The following GPR137C variants were observed in gnomAD, a reference collection of about 807,000 sequenced individuals.
GPR137C encodes the protein G protein-coupled receptor 137C, also known as integral membrane protein GPR137C.
A neutral mutation model predicts 43.4 loss-of-function variants in GPR137C; 27 were observed. The observed-to-expected ratio is 0.62, with a 90% CI of 0.46 to 0.86. GPR137C has a LOEUF of 0.86. Among genes scored for constraint, GPR137C ranks in the 40% least tolerant of loss-of-function variants. The pLI is 0.00. For missense variants in GPR137C, 522 were observed against 534.6 expected (o/e 0.98, Z 0.23); for synonymous variants, 285 against 226.9 (o/e 1.26, Z -2.30).
rs2039360370 is a variant in GPR137C at position 52,636,965 on chromosome 14, T to C, written c.*1850T>C. 6.6e-6 allele frequency: 1 copy of C among 152,164 alleles called. No individual in the cohort carries two copies. Among genetic ancestry groups the C allele is most frequent in the African/African-American group, 2.4e-5 (1 of 41,458 alleles). The allele number at this position is 152,164 out of a possible 1,614,324, so 9.4% of individuals were successfully genotyped here. ...TCATCTAGAGCTGTCCAAAAAGATA[T>C]GTTGTCTTTGTTAATCCTTGGGGTT... On this transcript the variant is annotated 3_prime_UTR_variant, in exon 7 of 7. Coordinates refer to ENST00000321662, the MANE Select transcript of GPR137C (RefSeq NM_001099652.2).
intron 1 of GPR137C, among the ~76,000 whole-genome samples, chr14:52,578,710 C>T (rs533600197): frequency 7.9e-5 from 12 of 152,096 alleles, no homozygotes; most frequent in Admixed American, 1.3e-4. Flanking sequence ...CTGAGGTGGG[C>T]GGATCACCTG....
chr14:52,600,592 A>G (rs1425583008), intron 3 of GPR137C, among the ~76,000 whole-genome samples: 1 of 152,180 alleles, frequency 6.6e-6, no homozygotes, highest in Non-Finnish European at 1.5e-5. Context: ...CTGGGACTAC[A>G]GGCATATTGC....
intron 3 of GPR137C, among the ~76,000 whole-genome samples, chr14:52,624,293 A>G (rs2039195494): frequency 6.6e-6 from 1 of 151,918 alleles, no homozygotes; most frequent in Admixed American, 6.6e-5. Flanking sequence ...ATATATCAAA[A>G]TTTGTGGAAT....
chr14:52,557,937 T>C (rs2038219226), intron 1 of GPR137C, among the ~76,000 whole-genome samples: 1 of 152,220 alleles, frequency 6.6e-6, no homozygotes, highest in Non-Finnish European at 1.5e-5. Flanking sequence ...CCTTTTCCAC[T>C]GTCTAGCAAA....
chr14:52,558,958 A>G (rs2038237281), intron 1 of GPR137C, among the ~76,000 whole-genome samples: 1 of 152,188 alleles, frequency 6.6e-6, no homozygotes, highest in Admixed American at 6.5e-5. Context: ...GTGTAATTGG[A>G]ATTATAGAGA....
chr14:52,601,476 T>TTG (rs1555349095), intron 3 of GPR137C, among the ~76,000 whole-genome samples: 31 of 137,734 alleles, frequency 2.3e-4, no homozygotes, highest in African/African-American at 7.5e-4. Flanking sequence ...GGGGGAGATA[T>TTG]TATGTGTGTG....
chr14:52,607,549 C>T (rs1432665294), intron 3 of GPR137C, among the ~76,000 whole-genome samples: 2 of 152,060 alleles, frequency 1.3e-5, no homozygotes, highest in African/African-American at 4.8e-5. Context: ...TGTATAATGA[C>T]GTTTGTGTCT....
intron 1 of GPR137C, among the ~76,000 whole-genome samples, chr14:52,563,035 AGTT>A (rs2038310326): frequency 6.6e-6 from 1 of 152,170 alleles, no homozygotes; most frequent in Non-Finnish European, 1.5e-5. Flanking sequence ...TCTACAAAAT[AGTT>A]GTTGCCTATG....
intron 1 of GPR137C, among the ~76,000 whole-genome samples, chr14:52,557,045 A>G (rs1461318176): frequency 6.6e-6 from 1 of 152,216 alleles, no homozygotes; most frequent in Admixed American, 6.5e-5. Flanking sequence ...TATATTGGTA[A>G]TACTTCAAAT....
intron 1 of GPR137C, among the ~76,000 whole-genome samples, chr14:52,583,676 A>G (rs2038677367): frequency 6.6e-6 from 1 of 152,224 alleles, no homozygotes; most frequent in Non-Finnish European, 1.5e-5. Context: ...CTAATATTAT[A>G]CCATCATCAT....
At position 52,553,456 on chromosome 14, in the gene GPR137C, C is replaced by T. The variant is rs368348208; in HGVS notation, c.309C>T (p.Ala103=). The change falls in exon 1 of 7, where the codon GCC becomes GCT. Residue 103 remains alanine (A), a synonymous_variant. Transcript: ENST00000321662. ...AALRTTLFSA[A]FSLSGSLPLL... ...TCAGGACCACCCTCTTCTCCGCCGC[C>T]TTCTCGCTCAGCGGCTCCCTGCCCT... The T allele has an allele frequency of 2.5e-6, 4 of 1,608,982 alleles. No homozygotes were observed. In the East Asian group the frequency reaches 6.7e-5, roughly 27 times the overall value.
At chr14:52,594,834 G>A (rs1289062512) in intron 1 of GPR137C, among the ~76,000 whole-genome samples, 2 of 152,092 alleles carry the variant, frequency 1.3e-5, no homozygotes, top group Non-Finnish European at 2.9e-5. Flanking sequence ...GGTTAATATT[G>A]TTATGTGTGA....
chr14:52,557,516 T>C (rs1342279750), intron 1 of GPR137C, among the ~76,000 whole-genome samples: 1 of 152,206 alleles, frequency 6.6e-6, no homozygotes, highest in African/African-American at 2.4e-5. Context: ...GAAATACTGG[T>C]TTAGTTCAAT....
intron 1 of GPR137C, among the ~76,000 whole-genome samples, chr14:52,587,172 T>A (rs578101278): frequency 6.6e-6 from 1 of 152,204 alleles, no homozygotes; most frequent in South Asian, 2.1e-4. Flanking sequence ...GAAAACCTAC[T>A]GTGAACTAGG....
At chr14:52,616,177 A>T (rs933773908) in intron 3 of GPR137C, among the ~76,000 whole-genome samples, 6 of 152,250 alleles carry the variant, frequency 3.9e-5, no homozygotes, top group African/African-American at 1.4e-4. Context: ...TGTCTCAAAC[A>T]TTGCATATTT....
At chr14:52,578,267 G>A (rs774668516) in intron 1 of GPR137C, among the ~76,000 whole-genome samples, 6 of 152,010 alleles carry the variant, frequency 3.9e-5, no homozygotes, top group East Asian at 3.8e-4. Context: ...GATTTTCTCC[G>A]CTTCTTTATT....
At chr14:52,594,705 G>A (rs935694744) in intron 1 of GPR137C, among the ~76,000 whole-genome samples, 4 of 151,538 alleles carry the variant, frequency 2.6e-5, no homozygotes, top group African/African-American at 4.9e-5. Context: ...TTGAGTCTAT[G>A]TGTGTCTCTG....
intron 1 of GPR137C, among the ~76,000 whole-genome samples, chr14:52,584,147 A>T (rs1423184491): frequency 6.6e-6 from 1 of 152,096 alleles, no homozygotes; most frequent in African/African-American, 2.4e-5. Context: ...ACATTTTCCA[A>T]TTCTAAATTA....
At chr14:52,621,903 ATTAAT>A (rs1474579787) in intron 3 of GPR137C, among the ~76,000 whole-genome samples, 8 of 151,756 alleles carry the variant, frequency 5.3e-5, no homozygotes, top group Admixed American at 2.6e-4. Flanking sequence ...ATATCCATTT[ATTAAT>A]TTATTTAAAA....
Sources: allele counts gnomAD v4.1 joint callset (sites outside exome capture counted in the v4.1 genomes callset), GRCh38; gene constraint gnomAD v4.1.1; transcripts MANE v1.5; gene names NCBI Gene and HGNC (gene_info 2026-07-23, HGNC 2026-07-21).